The following SFMBT2 variants were observed in gnomAD, a reference collection of about 807,000 sequenced individuals.
SFMBT2 encodes the protein Scm like with four mbt domains 2.
SFMBT2 carries 38 observed loss-of-function variants against 110.1 expected under a neutral mutation model. The ratio of observed to expected loss-of-function variants is 0.35; its 90% confidence interval spans 0.27 to 0.45. SFMBT2 has a LOEUF of 0.45. SFMBT2 is among the 20% of genes least tolerant of loss of function. The pLI is 1.00. For synonymous variants in SFMBT2, 425 were observed against 425.4 expected, an observed-to-expected ratio of 1.00 and a Z score of 0.01; for missense variants, 1,011 against 1,094.9, an observed-to-expected ratio of 0.92 and a Z score of 1.08.
chr10:7,383,694 G>A (rs1408856655), intron 1 of SFMBT2, among the ~76,000 whole-genome samples: 1 of 152,204 alleles, frequency 6.6e-6, no homozygotes, highest in Non-Finnish European at 1.5e-5. Context: ...GAATGACAGT[G>A]CAACAGAGAA....
intron 1 of SFMBT2, among the ~76,000 whole-genome samples, chr10:7,385,144 C>A (rs1845555197): frequency 6.6e-6 from 1 of 152,208 alleles, no homozygotes; most frequent in Admixed American, 6.5e-5. Flanking sequence ...GTGTGTCCAT[C>A]CAACCAAATA....
chr10:7,163,637 C>G lies in SFMBT2; in HGVS notation c.*133G>C. 2 of 780,950 alleles carry G rather than the reference C, an allele frequency of 2.6e-6. No homozygotes were observed. The highest frequency in any genetic ancestry group is 4.1e-6 in the Non-Finnish European group (2 of 493,762). 48.4% of individuals were successfully genotyped at this position (780,950 alleles called of 1,614,324 possible). ...CACAGGCTGGCGGAGGCAGAAGATC[C>G]TGGGCTTCTGGTTTTCTGGTGATAC... On this transcript the variant is annotated 3_prime_UTR_variant, in exon 21 of 21. Transcript: ENST00000397167. The surrounding 1 kb of genome is among the most constrained non-coding windows in gnomAD (Gnocchi z 4.8).
chr10:7,304,769 T>C (rs1234908961), intron 4 of SFMBT2, among the ~76,000 whole-genome samples: 1 of 152,194 alleles, frequency 6.6e-6, no homozygotes, highest in African/African-American at 2.4e-5. Flanking sequence ...AAATCTCTTG[T>C]CTGGACAGAG....
chr10:7,205,935 G>A lies in SFMBT2; in HGVS notation c.1331-7C>T. Reference sequence around the variant, plus strand: ...GGAACAGGAGTCTGCAGCCCTGCATGGGAAGAAGTTGAAACAAGAGGTACA... The same window carrying A: ...GGAACAGGAGTCTGCAGCCCTGCATAGGAAGAAGTTGAAACAAGAGGTACA... On this transcript the variant is annotated splice_polypyrimidine_tract_variant and splice_region_variant and intron_variant, in intron 11 of 20. Transcript: ENST00000397167. The A allele has an allele frequency of 6.2e-7, 1 of 1,613,554 alleles. No homozygotes were observed. Among genetic ancestry groups the A allele is most frequent in the Non-Finnish European group, 8.5e-7 (1 of 1,179,726 alleles).
At chr10:7,333,686 C>T (rs959749200) in intron 4 of SFMBT2, among the ~76,000 whole-genome samples, 11 of 151,606 alleles carry the variant, frequency 7.3e-5, no homozygotes, top group African/African-American at 2.7e-4. Context: ...ATAGCTTTCT[C>T]TCTCTCCCCC....
chr10:7,272,029 C>T (rs1841601865), intron 7 of SFMBT2, among the ~76,000 whole-genome samples: 1 of 152,096 alleles, frequency 6.6e-6, no homozygotes, highest in African/African-American at 2.4e-5. Context: ...GTTACAGAAA[C>T]ATAACAAGTG....
chr10:7,319,465 G>C (rs139554818), intron 4 of SFMBT2, among the ~76,000 whole-genome samples: 1 of 152,316 alleles, frequency 6.6e-6, no homozygotes, highest in East Asian at 1.9e-4. Flanking sequence ...CCTAGATCTT[G>C]GGGAAAACAA....
chr10:7,312,184 A>G (rs1842876131), intron 4 of SFMBT2, among the ~76,000 whole-genome samples: 1 of 152,154 alleles, frequency 6.6e-6, no homozygotes, highest in Admixed American at 6.6e-5. Context: ...TATGTAACAA[A>G]CCTGCACATT....
At chr10:7,348,337 CA>C (rs560251110) in intron 4 of SFMBT2, 16 of 1,520,808 alleles carry the variant, frequency 1.1e-5, no homozygotes, top group Admixed American at 4.4e-5. Context: ...CTCTCTACTA[CA>C]AAAAAATAAT....
intron 4 of SFMBT2, among the ~76,000 whole-genome samples, chr10:7,334,211 C>T (rs750537494): frequency 2.6e-5 from 4 of 152,152 alleles, no homozygotes; most frequent in African/African-American, 7.2e-5. Flanking sequence ...CAGCCAGGCA[C>T]CGTCACATCC....
intron 11 of SFMBT2, among the ~76,000 whole-genome samples, chr10:7,212,099 T>C (rs1238681817): frequency 6.6e-6 from 1 of 152,196 alleles, no homozygotes; most frequent in African/African-American, 2.4e-5. Context: ...CTAAGGGACT[T>C]GGAGGCACTA....
intron 7 of SFMBT2, among the ~76,000 whole-genome samples, chr10:7,263,228 ATTTCTTTTCT>A (rs139395535): frequency 1.3e-3 from 203 of 151,030 alleles, no homozygotes; most frequent in Non-Finnish European, 2.4e-3. Context: ...AACAGCCTCT[ATTTCTTTTCT>A]TTTCTTTTCT....
intron 11 of SFMBT2, among the ~76,000 whole-genome samples, chr10:7,212,314 T>C (rs182481565): frequency 2.6e-5 from 4 of 152,346 alleles, no homozygotes; most frequent in Admixed American, 2.6e-4. Flanking sequence ...TAAATCGCTA[T>C]TTCATTTAGG....
intron 4 of SFMBT2, among the ~76,000 whole-genome samples, chr10:7,296,073 T>C (rs1025956091): frequency 1.3e-5 from 2 of 152,226 alleles, no homozygotes; most frequent in Non-Finnish European, 2.9e-5. Flanking sequence ...GTCTACAAGA[T>C]AAATAACCTC....
chr10:7,405,937 A>G (rs1846199501), intron 1 of SFMBT2, among the ~76,000 whole-genome samples: 3 of 150,252 alleles, frequency 2.0e-5, no homozygotes, highest in Non-Finnish European at 4.4e-5. Context: ...TGTGACGCAT[A>G]ATTTCCCAAC....
intron 16 of SFMBT2, among the ~76,000 whole-genome samples, chr10:7,182,497 G>C (rs997421306): frequency 5.3e-5 from 8 of 152,112 alleles, no homozygotes; most frequent in African/African-American, 1.9e-4. Flanking sequence ...ACTGGATTAA[G>C]AAAATGTGGC....
intron 1 of SFMBT2, among the ~76,000 whole-genome samples, chr10:7,404,836 T>C (rs1846171357): frequency 6.6e-6 from 1 of 152,242 alleles, no homozygotes; most frequent in South Asian, 2.1e-4. Context: ...TGGCATCTTC[T>C]CATCAGCACA....
chr10:7,370,873 T>C (rs925718958), intron 2 of SFMBT2: 3 of 899,512 alleles, frequency 3.3e-6, no homozygotes, highest in Non-Finnish European at 4.0e-6. Flanking sequence ...CCCCAAAGAA[T>C]TGCTCGAGTG....
At chr10:7,195,367 A>G (rs1304982071) in intron 15 of SFMBT2, among the ~76,000 whole-genome samples, 1 of 152,034 alleles carries the variant, frequency 6.6e-6, no homozygotes, top group Admixed American at 6.5e-5. Flanking sequence ...GGCCCTCCCA[A>G]CTCAATCACC....
Sources: gnomAD v4.1 joint callset for allele counts (sites outside exome capture counted in the v4.1 genomes callset) on GRCh38, gnomAD v4.1.1 for gene constraint, Gnocchi (gnomAD v3.1) non-coding constraint, MANE v1.5 for transcripts, NCBI Gene and HGNC (gene_info 2026-07-23, HGNC 2026-07-21) for gene names.